ZNF385D: variants seen among roughly 807,000 people sequenced by gnomAD.
ZNF385D encodes zinc finger protein 385D.
ZNF385D carries 15 observed loss-of-function variants against 35.8 expected under a neutral mutation model. The ratio of observed to expected loss-of-function variants is 0.42; its 90% CI spans 0.28 to 0.64. The LOEUF is 0.64. ZNF385D is among the 30% of genes least tolerant of loss of function. The pLI is 0.23. For synonymous variants in ZNF385D, 212 were observed against 186.8 expected, an observed-to-expected ratio of 1.13 and a Z score of -1.10; for missense variants, 474 against 494.6, an observed-to-expected ratio of 0.96 and a Z score of 0.39.
At chr3:22,174,853 G>C (rs1424960196) in intron 2 of ZNF385D, among the ~76,000 whole-genome samples, 1 of 151,952 alleles carries the variant, frequency 6.6e-6, no homozygotes, top group African/African-American at 2.4e-5. Context: ...TATTTATACA[G>C]AACACAACAG....
intron 2 of ZNF385D, among the ~76,000 whole-genome samples, chr3:22,285,239 T>C (rs1490294648): frequency 1.3e-5 from 2 of 152,160 alleles, no homozygotes; most frequent in Non-Finnish European, 1.5e-5. Flanking sequence ...TACAATGTTT[T>C]TGGTGATAAG....
At chr3:21,807,913 T>G (rs1190246479) in intron 3 of ZNF385D, among the ~76,000 whole-genome samples, 3 of 152,202 alleles carry the variant, frequency 2.0e-5, no homozygotes. Context: ...GTAAGCTAAA[T>G]TTATAGAAGG....
intron 1 of ZNF385D, among the ~76,000 whole-genome samples, chr3:21,725,830 A>G (rs1575540058): frequency 6.6e-6 from 1 of 152,316 alleles, no homozygotes; most frequent in African/African-American, 2.4e-5. Flanking sequence ...AACTCATTTT[A>G]TGAGGCCAGC....
chr3:22,208,827 C>G (rs1697329177), intron 2 of ZNF385D, among the ~76,000 whole-genome samples: 1 of 151,662 alleles, frequency 6.6e-6, no homozygotes, highest in Non-Finnish European at 1.5e-5. Context: ...TACAAGCTGG[C>G]AAAACTAAAG....
chr3:21,811,002 A>G (rs13076371), intron 3 of ZNF385D, among the ~76,000 whole-genome samples: 1 of 142,256 alleles, frequency 7.0e-6, no homozygotes, highest in African/African-American at 2.6e-5. Context: ...GTGTGTGTAT[A>G]TATATATACA....
At chr3:21,730,148 T>C (rs1490497182) in intron 1 of ZNF385D, among the ~76,000 whole-genome samples, 5 of 152,192 alleles carry the variant, frequency 3.3e-5, no homozygotes, top group Admixed American at 6.5e-5. Context: ...TTTCACCTAA[T>C]AGGCACAAGA....
intron 1 of ZNF385D, among the ~76,000 whole-genome samples, chr3:21,719,337 G>A (rs1481151647): frequency 6.6e-6 from 1 of 152,160 alleles, no homozygotes; most frequent in Non-Finnish European, 1.5e-5. Context: ...TCCACATGAG[G>A]CAGAATAAGT....
At chr3:22,329,797 C>G (rs1040121624) in intron 2 of ZNF385D, among the ~76,000 whole-genome samples, 2 of 152,078 alleles carry the variant, frequency 1.3e-5, no homozygotes, top group African/African-American at 4.8e-5. Flanking sequence ...AATATTTTAA[C>G]CCAATATATA....
intron 3 of ZNF385D, among the ~76,000 whole-genome samples, chr3:21,545,630 A>T (rs575171134): frequency 6.6e-6 from 1 of 152,270 alleles, no homozygotes; most frequent in Non-Finnish European, 1.5e-5. Flanking sequence ...TTTCTTTTGC[A>T]TTAGAACACA....
chr3:21,969,515 C>T (rs1405930191), intron 3 of ZNF385D, among the ~76,000 whole-genome samples: 1 of 152,182 alleles, frequency 6.6e-6, no homozygotes, highest in African/African-American at 2.4e-5. Flanking sequence ...ATTACCCAGT[C>T]TTGAGCAGTT....
chr3:21,759,825 C>G (rs776132382), intron 3 of ZNF385D, among the ~76,000 whole-genome samples: 1 of 152,128 alleles, frequency 6.6e-6, no homozygotes, highest in Non-Finnish European at 1.5e-5. Flanking sequence ...GAGTGCAGCT[C>G]CAGTAAATTT....
intron 2 of ZNF385D, among the ~76,000 whole-genome samples, chr3:22,331,453 C>T (rs1483688264): frequency 6.6e-6 from 1 of 152,114 alleles, no homozygotes; most frequent in Non-Finnish European, 1.5e-5. Context: ...ACTTTAATAG[C>T]TATATATGAC....
At chr3:21,604,440 A>G (rs1038105202) in intron 2 of ZNF385D, among the ~76,000 whole-genome samples, 81 of 152,316 alleles carry the variant, frequency 5.3e-4, no homozygotes, top group African/African-American at 1.9e-3. Context: ...AATTTCTATT[A>G]TGTAGGAAGA....
In ZNF385D at chr3:22,255,143, G is replaced by T. The variant is rs554354762; in HGVS notation, c.107-86108C>A. ...GGGAAAACAAAACCACAAATGCGGG[G>T]AACTACTATATTGTATAGACCTTGA... On this transcript the variant is annotated intron_variant, in intron 2 of 5. Transcript: ENST00000494108. 8.6e-5 allele frequency among the ~76,000 whole-genome samples: 13 copies of T among 151,170 alleles called. No homozygotes were observed. The South Asian group carries it at 2.5e-3, about 29-fold the overall frequency.
At chr3:21,498,756 T>C (rs1706122774) in intron 4 of ZNF385D, among the ~76,000 whole-genome samples, 1 of 151,648 alleles carries the variant, frequency 6.6e-6, no homozygotes, top group African/African-American at 2.4e-5. Flanking sequence ...ATCCTAGCCA[T>C]CATGGTGAAA....
In ZNF385D at chr3:22,093,471, C is replaced by CA. The variant is rs1228416731; in HGVS notation, c.325+75345dup. 4.6e-5 allele frequency among the ~76,000 whole-genome samples: 7 copies of CA among 151,930 alleles called. No homozygotes were observed. The East Asian group carries it at 1.4e-3, about 29-fold the overall frequency. On this transcript the variant is annotated intron_variant, in intron 3 of 5. Transcript: ENST00000494108. ...AATCAAAGTAAACAGAATGGCTGAA[C>CA]AAAATTTATCTTTCACAAAGGATAA...
chr3:21,567,598 A>ATTGAC (rs2063195123), intron 2 of ZNF385D, among the ~76,000 whole-genome samples: 1 of 152,132 alleles, frequency 6.6e-6, no homozygotes, highest in African/African-American at 2.4e-5. Context: ...GAAAGAGGTC[A>ATTGAC]TTGACTTACA....
At chr3:21,619,845 C>G (rs1313322421) in intron 2 of ZNF385D, among the ~76,000 whole-genome samples, 1 of 152,140 alleles carries the variant, frequency 6.6e-6, no homozygotes, top group Admixed American at 6.6e-5. Flanking sequence ...TTTGTCCACA[C>G]TGTGCCTGAG....
intron 3 of ZNF385D, among the ~76,000 whole-genome samples, chr3:22,120,748 C>T (rs1703049698): frequency 6.6e-6 from 1 of 152,086 alleles, no homozygotes; most frequent in African/African-American, 2.4e-5. Flanking sequence ...AAACAAAAAC[C>T]TCTATGAGGC....
Sources: gnomAD v4.1 joint callset for allele counts (sites outside exome capture counted in the v4.1 genomes callset) on GRCh38, gnomAD v4.1.1 for gene constraint, MANE v1.5 for transcripts, NCBI Gene and HGNC (gene_info 2026-07-23, HGNC 2026-07-21) for gene names.